CDH13: variants seen among roughly 807,000 people sequenced by gnomAD.
CDH13 encodes cadherin-13.
A neutral mutation model predicts 63.8 loss-of-function variants in CDH13; 24 were observed. The observed-to-expected ratio is 0.38, with a 90% CI of 0.27 to 0.53. The LOEUF (loss-of-function observed/expected upper bound fraction) is 0.53. Among genes scored for constraint, CDH13 ranks in the 20% least tolerant of loss-of-function variants. CDH13 has a pLI of 0.85. For synonymous variants in CDH13, 503 were observed against 355.3 expected (o/e 1.42, Z -4.67); for missense variants, 1,049 against 903.1 (o/e 1.16, Z -2.07).
intron 6 of CDH13, among the ~76,000 whole-genome samples, chr16:83,407,934 G>A (rs566930270): frequency 1.3e-5 from 2 of 152,178 alleles, no homozygotes; most frequent in South Asian, 2.1e-4. Context: ...ATTTCTTTGG[G>A]GGTTCTCATT....
chr16:82,770,301 G>C (rs2035213322), intron 1 of CDH13, among the ~76,000 whole-genome samples: 1 of 152,224 alleles, frequency 6.6e-6, no homozygotes, highest in Non-Finnish European at 1.5e-5. Flanking sequence ...CAACCAATCA[G>C]AAATTCTGTT....
At chr16:83,584,521 G>A (rs1567784717) in intron 7 of CDH13, among the ~76,000 whole-genome samples, 3 of 152,136 alleles carry the variant, frequency 2.0e-5, no homozygotes, top group African/African-American at 4.8e-5. Flanking sequence ...CCCCTGAGGC[G>A]GTCATTTGGG....
chr16:83,125,467 A>G lies in CDH13; in HGVS notation c.449A>G (p.Asn150Ser). 1.2e-6 allele frequency: 2 copies of G among 1,609,596 alleles called. No individual in the cohort carries two copies. The highest frequency in any genetic ancestry group is 2.2e-5 in the East Asian group (1 of 44,848). The stretch of plus-strand genomic sequence containing the variant: ...GTATCTCCCATTTTAATTCCAGAGA[A>G]TCAGAGACAGCCTTTCCCAAGAGAT... ...IVVSPILIPENQRQPFPRDVG... is the reference protein window; with the variant it reads ...IVVSPILIPESQRQPFPRDVG... The change falls in exon 4 of 14, where the codon AAT becomes AGT. Residue 150 changes from asparagine (N) to serine (S), a missense_variant. Transcript: ENST00000567109.
chr16:82,820,132 T>G (rs1411571276), intron 1 of CDH13, among the ~76,000 whole-genome samples: 1 of 152,158 alleles, frequency 6.6e-6, no homozygotes, highest in African/African-American at 2.4e-5. Context: ...TAAGGATATC[T>G]GCAATGTGGG....
chr16:82,668,120 G>A (rs1257332317), intron 1 of CDH13, among the ~76,000 whole-genome samples: 1 of 152,088 alleles, frequency 6.6e-6, no homozygotes, highest in African/African-American at 2.4e-5. Flanking sequence ...CCTGCCTGGG[G>A]TACCAGTGAG....
chr16:83,776,547 G>T (rs1420708733), intron 11 of CDH13, among the ~76,000 whole-genome samples: 6 of 152,064 alleles, frequency 3.9e-5, no homozygotes, highest in Non-Finnish European at 8.8e-5. Context: ...GCTGTCTTTG[G>T]GTGTTGATAT....
intron 1 of CDH13, among the ~76,000 whole-genome samples, chr16:82,663,091 G>T (rs1567602116): frequency 6.6e-6 from 1 of 152,214 alleles, no homozygotes; most frequent in Non-Finnish European, 1.5e-5. Flanking sequence ...CAAGAAAATA[G>T]CCCTTATCGC....
chr16:83,188,752 A>G (rs2038605530), intron 4 of CDH13, among the ~76,000 whole-genome samples: 1 of 152,238 alleles, frequency 6.6e-6, no homozygotes, highest in South Asian at 2.1e-4. Context: ...CTTTCTTTTT[A>G]GAAATTGAGG....
intron 6 of CDH13, among the ~76,000 whole-genome samples, chr16:83,477,966 G>A (rs985684062): frequency 6.6e-6 from 1 of 152,034 alleles, no homozygotes; most frequent in Non-Finnish European, 1.5e-5. Context: ...TGGATCACGA[G>A]GTCAGGAGAT....
In CDH13 at chr16:83,780,615, G is replaced by C. The variant is rs142394878; in HGVS notation, c.1915+414G>C. 9.5e-4 allele frequency among the ~76,000 whole-genome samples: 145 copies of C among 152,292 alleles called. No individual in the cohort carries two copies. The South Asian group carries it at 0.014, about 15-fold the overall frequency. ...CTTTTACTATCCCCATCACCCAATA[G>C]TGAACTTTCTCTTAACTAATCTGTA... On this transcript the variant is annotated intron_variant, in intron 12 of 13. Transcript: ENST00000567109.
chr16:83,317,211 A>T (rs530395198), intron 5 of CDH13, among the ~76,000 whole-genome samples: 13 of 152,192 alleles, frequency 8.5e-5, no homozygotes, highest in Non-Finnish European at 1.8e-4. Context: ...GCCCAAGGCA[A>T]ACTTCTATAA....
At chr16:83,464,743 G>A (rs939477012) in intron 6 of CDH13, among the ~76,000 whole-genome samples, 4 of 152,088 alleles carry the variant, frequency 2.6e-5, no homozygotes, top group East Asian at 1.9e-4. Flanking sequence ...AATTACATCC[G>A]AAAAGACACA....
chr16:82,954,362 A>C (rs1295190787), intron 2 of CDH13: 1 of 151,988 alleles, frequency 6.6e-6, no homozygotes, highest in East Asian at 1.9e-4. Context: ...GCCCTCAGGT[A>C]CAGAGATACA....
intron 6 of CDH13, among the ~76,000 whole-genome samples, chr16:83,387,941 TG>T (rs897780975): frequency 6.6e-6 from 1 of 152,222 alleles, no homozygotes; most frequent in African/African-American, 2.4e-5. Context: ...TCTGTAGTGC[TG>T]GGTTTTTACT....
rs2549138 is a variant in CDH13, at chr16:82,835,947, A to T, written c.46-22415A>T. On this transcript the variant is annotated intron_variant, in intron 1 of 13. Coordinates refer to ENST00000567109, the MANE Select transcript of CDH13 (RefSeq NM_001257.5). ...AGCTCCAGGCTCTTGAGGCTCCTCA[A>T]GTAGCAAAGTCTCATCGCTCAGGTC... Among the ~76,000 whole-genome samples the T allele has an allele frequency of 4.9e-4, 75 of 152,220 alleles. No individual in the cohort carries two copies. The Middle Eastern group carries it at 0.01, about 21-fold the overall frequency.
chr16:82,681,900 C>T (rs372987461), intron 1 of CDH13, among the ~76,000 whole-genome samples: 10 of 152,220 alleles, frequency 6.6e-5, no homozygotes, highest in African/African-American at 1.2e-4. Context: ...GGCCCCAGCC[C>T]GGTTGAGCTC....
At chr16:83,539,626 A>G (rs895076121) in intron 7 of CDH13, among the ~76,000 whole-genome samples, 1 of 152,220 alleles carries the variant, frequency 6.6e-6, no homozygotes, top group Non-Finnish European at 1.5e-5. Context: ...GATAATGATA[A>G]TTCTAGCTGA....
Position 83,662,165 on chromosome 16 carries a change from A to ATGC in CDH13, c.1102-8623_1102-8621dup, listed in dbSNP as rs372015957. Among the ~76,000 whole-genome samples, 847 of 152,224 alleles carry ATGC rather than the reference A, an allele frequency of 5.6e-3. 1 individual carries two copies. The highest frequency in any genetic ancestry group is 9.6e-3 in the Non-Finnish European group (654 of 68,008). Reference sequence around the variant, plus strand: ...CTCAGGACGTTTCTTTCTTGTTGAGATGCTATTCCTTATTATTTTTGAACT... The same window carrying ATGC: ...CTCAGGACGTTTCTTTCTTGTTGAGATGCTGCTATTCCTTATTATTTTTGAACT... On this transcript the variant is annotated intron_variant, in intron 8 of 13. Coordinates refer to ENST00000567109, the MANE Select transcript of CDH13 (RefSeq NM_001257.5).
At position 82,661,842 on chromosome 16, in the gene CDH13, C is replaced by T. The variant is rs1404451967; in HGVS notation, c.45+34705C>T. 3.9e-5 allele frequency among the ~76,000 whole-genome samples: 6 copies of T among 152,334 alleles called. No homozygotes were observed. In the East Asian group the frequency reaches 1.2e-3, roughly 29 times the overall value. On this transcript the variant is annotated intron_variant, in intron 1 of 13. Transcript: ENST00000567109. Reference sequence around the variant, plus strand: ...CTATGTAATGGACACAATTTAGGAACAACTAAGGTATGTCCTGTAATTAGG... The same window carrying T: ...CTATGTAATGGACACAATTTAGGAATAACTAAGGTATGTCCTGTAATTAGG...
Sources: gnomAD v4.1 joint callset for allele counts (sites outside exome capture counted in the v4.1 genomes callset) on GRCh38, gnomAD v4.1.1 for gene constraint, MANE v1.5 for transcripts, NCBI Gene and HGNC (gene_info 2026-07-23, HGNC 2026-07-21) for gene names.